The following SUPT3H variants were observed in gnomAD, a reference collection of about 807,000 sequenced individuals.
SUPT3H encodes SPT3 homolog, SAGA and STAGA complex component.
SUPT3H carries 44 observed loss-of-function variants against 44.3 expected under a neutral mutation model. The ratio of observed to expected loss-of-function variants is 0.99; its 90% CI spans 0.78 to 1.28. The LOEUF (loss-of-function observed/expected upper bound fraction) is 1.28, where lower values mean the gene tolerates loss of function less well. Among genes scored for constraint, SUPT3H ranks in the 50% most tolerant of loss-of-function variants. SUPT3H has a pLI of 0.00. For missense variants in SUPT3H, 380 were observed against 387.1 expected (o/e 0.98, Z 0.15); for synonymous variants, 124 against 125.6 (o/e 0.99, Z 0.09).
chr6:45,070,822 G>T (rs1794275642), intron 3 of SUPT3H, among the ~76,000 whole-genome samples: 1 of 149,312 alleles, frequency 6.7e-6, no homozygotes, highest in South Asian at 2.1e-4. Context: ...CGACAAGGAA[G>T]AAGTGTTACT....
intron 2 of SUPT3H, among the ~76,000 whole-genome samples, chr6:45,192,783 A>T (rs1815356283): frequency 6.6e-6 from 1 of 152,158 alleles, no homozygotes; most frequent in South Asian, 2.1e-4. Flanking sequence ...ACTAAAGCAG[A>T]TCCCTACTGC....
chr6:45,078,274 T>C (rs1330665113), intron 3 of SUPT3H, among the ~76,000 whole-genome samples: 2 of 152,240 alleles, frequency 1.3e-5, no homozygotes, highest in African/African-American at 4.8e-5. Flanking sequence ...ATTAATTAAA[T>C]GTTGGTCACA....
intron 2 of SUPT3H, among the ~76,000 whole-genome samples, chr6:45,232,398 G>A (rs1411695396): frequency 6.6e-6 from 1 of 152,220 alleles, no homozygotes; most frequent in East Asian, 1.9e-4. Context: ...TTTTGTTGAA[G>A]ACAGAGATGC....
intron 6 of SUPT3H, among the ~76,000 whole-genome samples, chr6:44,963,941 T>C (rs1776424267): frequency 6.6e-6 from 1 of 150,630 alleles, no homozygotes; most frequent in Non-Finnish European, 1.5e-5. Flanking sequence ...GAGGTTGTAG[T>C]GAGCCAAGAT....
intron 10 of SUPT3H, among the ~76,000 whole-genome samples, chr6:44,881,073 TAAATGCCCCA>T (rs1778142582): frequency 6.6e-6 from 1 of 152,072 alleles, no homozygotes; most frequent in African/African-American, 2.4e-5. Context: ...GTAAACAGGC[TAAATGCCCCA>T]ATTAAAAGAC....
At chr6:45,311,968 C>T (rs917017801) in intron 2 of SUPT3H, among the ~76,000 whole-genome samples, 1 of 152,026 alleles carries the variant, frequency 6.6e-6, no homozygotes, top group Non-Finnish European at 1.5e-5. Flanking sequence ...GCAAGGGTAC[C>T]TCACATTTCA....
chr6:45,181,458 A>G (rs1813164001), intron 2 of SUPT3H, among the ~76,000 whole-genome samples: 1 of 152,090 alleles, frequency 6.6e-6, no homozygotes, highest in Non-Finnish European at 1.5e-5. Context: ...ATAGATTTGG[A>G]ACCAACCCAA....
chr6:44,924,761 G>A (rs1769266197), intron 10 of SUPT3H, among the ~76,000 whole-genome samples: 1 of 151,930 alleles, frequency 6.6e-6, no homozygotes, highest in Non-Finnish European at 1.5e-5. Context: ...AGGATCAGTG[G>A]CCTACAGTTT....
chr6:45,150,921 C>G (rs763309017), intron 2 of SUPT3H, among the ~76,000 whole-genome samples: 2 of 151,868 alleles, frequency 1.3e-5, no homozygotes, highest in Non-Finnish European at 2.9e-5. Context: ...ACAGGTTTCA[C>G]CACCCTGGGC....
chr6:44,863,223 C>T (rs1582056081), intron 10 of SUPT3H, among the ~76,000 whole-genome samples: 1 of 152,192 alleles, frequency 6.6e-6, no homozygotes, highest in South Asian at 2.1e-4. Flanking sequence ...TGTGGGAATG[C>T]ACCTGTGAGC....
chr6:44,903,357 T>C (rs551210168), intron 10 of SUPT3H, among the ~76,000 whole-genome samples: 72 of 150,372 alleles, frequency 4.8e-4, no homozygotes, highest in Non-Finnish European at 8.9e-4. Flanking sequence ...ATATTACCAC[T>C]GATCCCACAG....
intron 10 of SUPT3H, among the ~76,000 whole-genome samples, chr6:44,893,195 A>G (rs1389437717): frequency 6.6e-6 from 1 of 152,214 alleles, no homozygotes; most frequent in African/African-American, 2.4e-5. Flanking sequence ...TTTATAATAT[A>G]TAAAGGCATT....
intron 2 of SUPT3H, among the ~76,000 whole-genome samples, chr6:45,214,017 A>G (rs1220873056): frequency 6.7e-6 from 1 of 148,320 alleles, no homozygotes; most frequent in East Asian, 2.0e-4. Context: ...TTGAAATGCA[A>G]AAAAAAAAAA....
intron 11 of SUPT3H, among the ~76,000 whole-genome samples, chr6:44,815,320 GA>G (rs1375412444): frequency 5.9e-5 from 9 of 152,170 alleles, no homozygotes; most frequent in Admixed American, 2.6e-4. Context: ...AAGGAGTTAT[GA>G]TGAGGATAAG....
chr6:44,932,520 C>A (rs1213886041), intron 10 of SUPT3H, 133 bp downstream of exon 10: 4 of 555,858 alleles, frequency 7.2e-6, no homozygotes, highest in Non-Finnish European at 3.0e-6. Context: ...AGAATTATGC[C>A]ACTTTTATAC....
At chr6:45,085,572 T>A (rs775373029) in intron 3 of SUPT3H, among the ~76,000 whole-genome samples, 7 of 152,130 alleles carry the variant, frequency 4.6e-5, no homozygotes, top group Non-Finnish European at 7.4e-5. Context: ...ATGGAAAAAA[T>A]TATTCAGAAA....
chr6:44,888,657 T>C (rs1422181921), intron 10 of SUPT3H, among the ~76,000 whole-genome samples: 1 of 151,982 alleles, frequency 6.6e-6, no homozygotes, highest in Non-Finnish European at 1.5e-5. Flanking sequence ...ACAGCCAATA[T>C]CATACTGAAT....
At chr6:44,919,475 TA>T (rs1768310711) in intron 10 of SUPT3H, among the ~76,000 whole-genome samples, 1 of 151,366 alleles carries the variant, frequency 6.6e-6, no homozygotes, top group African/African-American at 2.4e-5. Context: ...TTTTTTTTTT[TA>T]AAGTTTAGAT....
intron 2 of SUPT3H, among the ~76,000 whole-genome samples, chr6:45,150,115 A>T (rs1229279278): frequency 6.6e-6 from 1 of 152,182 alleles, no homozygotes; most frequent in Non-Finnish European, 1.5e-5. Context: ...TAAAATAATC[A>T]TGATTTCTTT....
Sources: gnomAD v4.1 joint callset for allele counts (sites outside exome capture counted in the v4.1 genomes callset) on GRCh38, gnomAD v4.1.1 for gene constraint, MANE v1.5 for transcripts, NCBI Gene and HGNC (gene_info 2026-07-23, HGNC 2026-07-21) for gene names.